EPCAM: variants seen among roughly 807,000 people sequenced by gnomAD.
EPCAM encodes adenocarcinoma-associated antigen.
In EPCAM, 39 loss-of-function variants were observed where a neutral mutation model predicts 40.0. The ratio of observed to expected loss-of-function variants is 0.98; its 90% confidence interval spans 0.76 to 1.27. EPCAM has a LOEUF of 1.27. Among genes scored for constraint, EPCAM ranks in the 50% most tolerant of loss-of-function variants. The pLI is 0.00. For missense variants in EPCAM, 503 were observed against 381.2 expected (o/e 1.32, Z -2.66); for synonymous variants, 168 against 132.3 (o/e 1.27, Z -1.85).
chr2:47,378,368 C>G (rs1027069131), intron 5 of EPCAM, among the ~76,000 whole-genome samples: 4 of 143,076 alleles, frequency 2.8e-5, no homozygotes, highest in Middle Eastern at 3.8e-3. Context: ...ATGGCGCCAT[C>G]TCGGCTCACC....
chr2:47,385,729 A>T (rs113939925), intron 8 of EPCAM, among the ~76,000 whole-genome samples: 2 of 147,892 alleles, frequency 1.4e-5, no homozygotes, highest in African/African-American at 5.1e-5. Flanking sequence ...ACATATCTCA[A>T]TTTTTGTGTG....
chr2:47,370,264 C>T (rs1386194529), intron 1 of EPCAM, among the ~76,000 whole-genome samples: 1 of 152,092 alleles, frequency 6.6e-6, no homozygotes, highest in African/African-American at 2.4e-5. Context: ...ATCTTTCTTT[C>T]TTTTTATTTA....
At chr2:47,376,829 C>T (rs1671439820) in intron 4 of EPCAM, among the ~76,000 whole-genome samples, 185 bp from the exon 5 acceptor site, 1 of 152,152 alleles carries the variant, frequency 6.6e-6, no homozygotes, top group African/African-American at 2.4e-5. Context: ...TGGTACCCAG[C>T]AGTTTGAATA....
intron 1 of EPCAM, among the ~76,000 whole-genome samples, chr2:47,373,226 A>C (rs1236422672): frequency 6.7e-6 from 1 of 149,002 alleles, no homozygotes; most frequent in African/African-American, 2.5e-5. Flanking sequence ...AAAAAAAAAA[A>C]AAAAAAAAAC....
At chr2:47,370,140 A>G (rs1671213746) in intron 1 of EPCAM, among the ~76,000 whole-genome samples, 1 of 152,252 alleles carries the variant, frequency 6.6e-6, no homozygotes, top group Non-Finnish European at 1.5e-5. Context: ...CCCTTTTCTA[A>G]GGATCATATG....
At chr2:47,382,652 C>T (rs748837666) in intron 7 of EPCAM, among the ~76,000 whole-genome samples, 28 of 152,158 alleles carry the variant, frequency 1.8e-4, no homozygotes, top group Non-Finnish European at 3.2e-4. Flanking sequence ...TGTCATTGCA[C>T]TCCAGCCTGG....
At chr2:47,379,474 G>A (rs947440385) in intron 6 of EPCAM, among the ~76,000 whole-genome samples, 6 of 152,228 alleles carry the variant, frequency 3.9e-5, no homozygotes, top group African/African-American at 9.6e-5. Flanking sequence ...TAATCTGGGC[G>A]GGGGTGAAAG....
intron 8 of EPCAM, 84 bp from the exon 9 acceptor site, chr2:47,386,488 C>A: frequency 9.6e-7 from 1 of 1,044,650 alleles, no homozygotes; most frequent in Non-Finnish European, 1.4e-6. Context: ...CCTTTAATTT[C>A]ATTTTTATTT....
intron 3 of EPCAM, 99 bp from the exon 4 acceptor site, chr2:47,375,135 C>G: frequency 2.3e-6 from 2 of 881,474 alleles, no homozygotes; most frequent in Non-Finnish European, 1.8e-6. Context: ...TTTTTTTTCT[C>G]TTAGTCCTTA....
chr2:47,373,459 C>A lies in EPCAM; in HGVS notation c.77-4C>A. 6.3e-7 allele frequency: 1 copy of A among 1,588,418 alleles called. No individual in the cohort carries two copies. Among genetic ancestry groups the A allele is most frequent in the Non-Finnish European group, 8.6e-7 (1 of 1,159,632 alleles). The stretch of plus-strand genomic sequence containing the variant: ...TAAAGTAGATTTTTTTTTTAATTTT[C>A]TAGAATGTGTCTGTGAAAACTACAA... On this transcript the variant is annotated splice_polypyrimidine_tract_variant and splice_region_variant and intron_variant, in intron 1 of 8. Transcript: ENST00000263735.
intron 1 of EPCAM, among the ~76,000 whole-genome samples, chr2:47,370,142 GATC>G (rs1170985128): frequency 6.6e-6 from 1 of 152,256 alleles, no homozygotes; most frequent in Non-Finnish European, 1.5e-5. Context: ...CTTTTCTAAG[GATC>G]ATATGAGTAA....
chr2:47,379,869 A>G lies in EPCAM; in HGVS notation c.758A>G (p.Asp253Gly). The G allele has an allele frequency of 1.9e-6, 3 of 1,614,200 alleles. No homozygotes were observed. Among genetic ancestry groups the G allele is most frequent in the African/African-American group, 1.3e-5 (1 of 75,052 alleles). ...GGTCAAACTTTAATTTATTATGTTG[A>G]TGAAAAAGCACCTGAATTCTCAATG... ...DPGQTLIYYVDEKAPEFSMQG... is the reference protein window; with the variant it reads ...DPGQTLIYYVGEKAPEFSMQG... The change falls in exon 7 of 9, where the codon GAT (aspartate) becomes GGT (glycine). Residue 253 changes from aspartate (D) to glycine (G), a missense_variant. Transcript: ENST00000263735.
intron 7 of EPCAM, among the ~76,000 whole-genome samples, chr2:47,384,262 C>G (rs993917766): frequency 1.3e-5 from 2 of 151,754 alleles, no homozygotes; most frequent in Non-Finnish European, 2.9e-5. Context: ...TGCCACCACG[C>G]CTGGCTAATT....
intron 1 of EPCAM, among the ~76,000 whole-genome samples, chr2:47,372,469 C>A (rs1353162121): frequency 6.6e-6 from 1 of 151,530 alleles, no homozygotes; most frequent in Non-Finnish European, 1.5e-5. Context: ...GAAAACCCGT[C>A]TCTACTAAAA....
Position 47,369,453 on chromosome 2 carries a change from C to T in EPCAM, c.-53C>T, listed in dbSNP as rs1671156439. ...TCGTGTCCCACTCCCGGCGCACGCCCTCCCGCGAGTCCCGGGCCCCTCCCG... is the reference window on the plus strand; with the variant it reads ...TCGTGTCCCACTCCCGGCGCACGCCTTCCCGCGAGTCCCGGGCCCCTCCCG... On this transcript the variant is annotated 5_prime_UTR_variant, in exon 1 of 9. Transcript: ENST00000263735. 2.2e-6 allele frequency: 3 copies of T among 1,363,466 alleles called. No homozygotes were observed. The highest frequency in any genetic ancestry group is 2.8e-6 in the Non-Finnish European group (3 of 1,066,038). 84.5% of individuals were successfully genotyped at this position (1,363,466 alleles called of 1,614,324 possible). A position where few individuals can be genotyped will look rare whatever the true frequency, so the allele number is the denominator to read the frequency against.
intron 7 of EPCAM, among the ~76,000 whole-genome samples, chr2:47,382,217 T>A (rs1009537065): frequency 3.3e-5 from 5 of 152,068 alleles, no homozygotes; most frequent in African/African-American, 1.2e-4. Context: ...TCTTACAAAT[T>A]GATGAGGAAA....
chr2:47,374,592 C>G (rs1012013013), intron 3 of EPCAM, among the ~76,000 whole-genome samples: 1 of 151,952 alleles, frequency 6.6e-6, no homozygotes, highest in Non-Finnish European at 1.5e-5. Flanking sequence ...TCTGGAGCCT[C>G]GTTGTCAGTT....
At chr2:47,372,688 C>G (rs1671306053) in intron 1 of EPCAM, among the ~76,000 whole-genome samples, 1 of 151,954 alleles carries the variant, frequency 6.6e-6, no homozygotes, top group Non-Finnish European at 1.5e-5. Context: ...AGGAGAATCG[C>G]TTGATCCTGG....
intron 1 of EPCAM, among the ~76,000 whole-genome samples, chr2:47,371,065 G>C (rs1283354674): frequency 6.6e-6 from 1 of 152,118 alleles, no homozygotes; most frequent in Non-Finnish European, 1.5e-5. Flanking sequence ...GGCTGGTCTC[G>C]AACTCCTGGG....
Sources: gnomAD v4.1 joint callset for allele counts (sites outside exome capture counted in the v4.1 genomes callset) on GRCh38, gnomAD v4.1.1 for gene constraint, MANE v1.5 for transcripts, NCBI Gene and HGNC (gene_info 2026-07-23, HGNC 2026-07-21) for gene names.